Variants in NTN1 observed in about 807,000 individuals in gnomAD.
NTN1 encodes netrin 1, also known as netrin-1.
NTN1 carries 11 observed loss-of-function variants against 54.2 expected under a neutral mutation model. The observed-to-expected ratio is 0.20, with a 90% confidence interval of 0.13 to 0.34. NTN1 has a LOEUF of 0.34. Among genes scored for constraint, NTN1 ranks in the 10% least tolerant of loss-of-function variants. The pLI, the probability that NTN1 is intolerant of heterozygous loss-of-function variation, is 1.00. For synonymous variants in NTN1, 371 were observed against 382.0 expected, an observed-to-expected ratio of 0.97 and a Z score of 0.33; for missense variants, 740 against 893.1, an observed-to-expected ratio of 0.83 and a Z score of 2.18.
chr17:9,192,693 G>C (rs1298691555), intron 5 of NTN1, among the ~76,000 whole-genome samples: 1 of 152,160 alleles, frequency 6.6e-6, no homozygotes, highest in Non-Finnish European at 1.5e-5. Context: ...CTCTCCAAAA[G>C]CATTAAGGAG....
At chr17:9,123,478 A>C (rs1026705332) in intron 2 of NTN1, among the ~76,000 whole-genome samples, 1 of 152,252 alleles carries the variant, frequency 6.6e-6, no homozygotes, top group Non-Finnish European at 1.5e-5. Flanking sequence ...TATAAAAGTT[A>C]AAGTTGCCGT....
the NTN1 span, among the ~76,000 whole-genome samples, chr17:9,007,044 T>C: frequency 6.6e-6 from 1 of 152,266 alleles, no homozygotes; most frequent in African/African-American, 2.4e-5. Context: ...GCTCAAGAAA[T>C]GCTAGCCGCC....
chr17:9,147,096 G>A (rs994099991), intron 2 of NTN1, among the ~76,000 whole-genome samples: 1 of 152,158 alleles, frequency 6.6e-6, no homozygotes, highest in Non-Finnish European at 1.5e-5. Flanking sequence ...TTCCCTGGCT[G>A]TACTAGATAA....
At chr17:9,029,689 T>C (rs1259734113) in intron 2 of NTN1, among the ~76,000 whole-genome samples, 2 of 152,238 alleles carry the variant, frequency 1.3e-5, no homozygotes, top group Non-Finnish European at 2.9e-5. Context: ...GATTTTAATT[T>C]GCGTTTTAAA....
chr17:9,192,717 C>T (rs1904493705), intron 5 of NTN1, among the ~76,000 whole-genome samples: 1 of 152,174 alleles, frequency 6.6e-6, no homozygotes, highest in South Asian at 2.1e-4. Flanking sequence ...TGGGGCAGCA[C>T]CGGGAGACAA....
intron 4 of NTN1, among the ~76,000 whole-genome samples, chr17:9,181,940 T>C (rs8079063): frequency 0.36 from 54,584 of 152,144 alleles, 10,211 homozygotes; most frequent in Middle Eastern, 0.49. Flanking sequence ...GGGTGGGGTC[T>C]GGGAAGTAGT....
At chr17:9,055,025 G>T (rs538817436) in intron 2 of NTN1, among the ~76,000 whole-genome samples, 1 of 152,312 alleles carries the variant, frequency 6.6e-6, no homozygotes, top group South Asian at 2.1e-4. Context: ...CAGCTCCTTG[G>T]TTGGGTTAAA....
the NTN1 span, among the ~76,000 whole-genome samples, chr17:9,003,537 G>T: frequency 2.7e-5 from 4 of 148,594 alleles, no homozygotes; most frequent in Non-Finnish European, 3.0e-5. This position sits in a 1 kb window ranked among gnomAD's most constrained non-coding sequence, Gnocchi z 7.4. Flanking sequence ...CTGGCCCCGC[G>T]GTCGCGCACG....
chr17:9,065,596 C>T (rs1009421212), intron 2 of NTN1, among the ~76,000 whole-genome samples: 23 of 152,208 alleles, frequency 1.5e-4, no homozygotes, highest in Non-Finnish European at 2.6e-4. Context: ...GAACTGTGAA[C>T]GCCACCAGGG....
chr17:9,142,741 G>T (rs934193122), intron 2 of NTN1, among the ~76,000 whole-genome samples: 2 of 152,196 alleles, frequency 1.3e-5, no homozygotes, highest in South Asian at 2.1e-4. Flanking sequence ...CAACCAAAAA[G>T]TCTGTCCTTA....
intron 2 of NTN1, among the ~76,000 whole-genome samples, chr17:9,076,845 A>G (rs1358786060): frequency 1.3e-5 from 2 of 152,188 alleles, no homozygotes; most frequent in Non-Finnish European, 2.9e-5. Flanking sequence ...GACTTTATCA[A>G]CCACATGCCT....
intron 2 of NTN1, among the ~76,000 whole-genome samples, chr17:9,116,020 G>A (rs753976979): frequency 6.6e-6 from 1 of 152,250 alleles, no homozygotes; most frequent in African/African-American, 2.4e-5. Flanking sequence ...TTGTTTCTCC[G>A]GGGGCAGATT....
At chr17:9,189,630 G>C (rs1023675853) in intron 5 of NTN1, among the ~76,000 whole-genome samples, 1 of 152,060 alleles carries the variant, frequency 6.6e-6, no homozygotes, top group Non-Finnish European at 1.5e-5. Flanking sequence ...GATTACAGGG[G>C]TGAGCCACCA....
chr17:9,029,661 A>G (rs1186147566), intron 2 of NTN1, among the ~76,000 whole-genome samples: 4 of 152,204 alleles, frequency 2.6e-5, no homozygotes, highest in African/African-American at 7.2e-5. Context: ...ATGGATTTCT[A>G]TTGTAAACTA....
At chr17:9,063,934 G>A (rs1302392432) in intron 2 of NTN1, among the ~76,000 whole-genome samples, 1 of 152,060 alleles carries the variant, frequency 6.6e-6, no homozygotes, top group African/African-American at 2.4e-5. Flanking sequence ...CATCTCATTC[G>A]CTTTTCCTTA....
intron 5 of NTN1, among the ~76,000 whole-genome samples, chr17:9,202,055 CAAAAAAAAAAAAAAAAA>C (rs773720564): frequency 4.8e-4 from 23 of 48,340 alleles, no homozygotes; most frequent in African/African-American, 8.5e-4. Context: ...CACACACACA[CAAAAAAAAAAAAAAAAA>C]AAAAAAAAAA....
chr17:9,227,892 C>A (rs1220133916), intron 6 of NTN1, among the ~76,000 whole-genome samples: 3 of 151,898 alleles, frequency 2.0e-5, no homozygotes, highest in African/African-American at 7.3e-5. Flanking sequence ...ACACACCCCA[C>A]CACTATACGC....
At chr17:9,131,084 C>T (rs1222148685) in intron 2 of NTN1, among the ~76,000 whole-genome samples, 1 of 152,186 alleles carries the variant, frequency 6.6e-6, no homozygotes, top group Non-Finnish European at 1.5e-5. Context: ...TAACTCAGGG[C>T]CTTTGCACTG....
chr17:9,170,227 C>T (rs2092383835), intron 3 of NTN1, among the ~76,000 whole-genome samples: 1 of 152,196 alleles, frequency 6.6e-6, no homozygotes, highest in African/African-American at 2.4e-5. Context: ...TCCCTCCTCC[C>T]TCCTAGGGCT....
Sources: allele counts gnomAD v4.1 joint callset (sites outside exome capture counted in the v4.1 genomes callset), GRCh38; gene constraint gnomAD v4.1.1; non-coding constraint Gnocchi (gnomAD v3.1); transcripts MANE v1.5; gene names NCBI Gene and HGNC (gene_info 2026-07-23, HGNC 2026-07-21).